Variants in NRG1 observed in about 807,000 individuals in gnomAD.
The protein encoded by NRG1 is neuregulin 1, also known as pro-neuregulin-1, membrane-bound isoform.
Under a neutral mutation model 63.8 loss-of-function variants are expected in NRG1, and 18 were observed. The observed-to-expected ratio is 0.28, with a 90% CI of 0.19 to 0.42. The LOEUF is 0.42. Ranked by LOEUF, NRG1 falls within the 10% of genes least tolerant of loss-of-function variation. The pLI is 1.00. For missense variants in NRG1, 762 were observed against 814.7 expected (o/e 0.94, Z 0.79); for synonymous variants, 302 against 301.3 (o/e 1.00, Z -0.02).
downstream of NRG1, among the ~76,000 whole-genome samples, chr8:32,769,775 G>T (rs573960600): frequency 6.6e-6 from 1 of 152,286 alleles, no homozygotes; most frequent in Admixed American, 6.5e-5. Context: ...TTTAAGGTTG[G>T]TGTTGAATAG....
intron 8 of NRG1, among the ~76,000 whole-genome samples, chr8:32,755,749 A>ATTTT (rs112433027): frequency 3.4e-5 from 5 of 147,412 alleles, no homozygotes; most frequent in African/African-American, 1.2e-4. Context: ...TCTACAGCAC[A>ATTTT]TTTTTTTTTT....
chr8:32,533,635 A>G (rs1831674579), intron 1 of NRG1, among the ~76,000 whole-genome samples: 1 of 152,102 alleles, frequency 6.6e-6, no homozygotes, highest in Admixed American at 6.5e-5. Flanking sequence ...AAGTAAACCT[A>G]TCAAAATGGG....
chr8:31,711,402 T>C (rs1811727017), intron 1 of NRG1, among the ~76,000 whole-genome samples: 1 of 152,206 alleles, frequency 6.6e-6, no homozygotes, highest in African/African-American at 2.4e-5. Context: ...ACATGTTTTA[T>C]GGTGTTAAAT....
chr8:32,538,956 A>G (rs1782853809), intron 1 of NRG1, among the ~76,000 whole-genome samples: 1 of 152,234 alleles, frequency 6.6e-6, no homozygotes, highest in Non-Finnish European at 1.5e-5. Context: ...AACATCAGGA[A>G]AAAACAGAAG....
chr8:32,185,204 G>A (rs1050703684), intron 1 of NRG1, among the ~76,000 whole-genome samples: 2 of 152,148 alleles, frequency 1.3e-5, no homozygotes, highest in Non-Finnish European at 2.9e-5. Flanking sequence ...AGTACTTGAG[G>A]CATTAACCTG....
At chr8:31,861,792 A>G (rs528541998) in intron 1 of NRG1, among the ~76,000 whole-genome samples, 1 of 152,304 alleles carries the variant, frequency 6.6e-6, no homozygotes, top group South Asian at 2.1e-4. Context: ...CTATTGAAAT[A>G]CCATGATCCA....
At chr8:31,815,561 C>T (rs1358180414) in intron 1 of NRG1, among the ~76,000 whole-genome samples, 1 of 152,146 alleles carries the variant, frequency 6.6e-6, no homozygotes, top group African/African-American at 2.4e-5. Flanking sequence ...CATGAATGTA[C>T]AGATATCTCT....
chr8:32,239,366 A>G (rs1177984437), intron 1 of NRG1, among the ~76,000 whole-genome samples: 4 of 152,100 alleles, frequency 2.6e-5, no homozygotes, highest in Admixed American at 6.5e-5. Context: ...TTATACAGAA[A>G]TTAACTCAAA....
chr8:32,281,222 G>C (rs1418422746), intron 1 of NRG1, among the ~76,000 whole-genome samples: 1 of 101,150 alleles, frequency 9.9e-6, no homozygotes, highest in South Asian at 3.3e-4. Context: ...CTGTCGCTCA[G>C]GCTGGGGTGC....
intron 7 of NRG1, chr8:32,749,240 A>T (rs111840801): frequency 2.7e-5 from 9 of 328,694 alleles, no homozygotes; most frequent in African/African-American, 1.7e-4. Context: ...TATAAAGATA[A>T]TCTTTCCATT....
At chr8:31,841,371 A>G (rs1277736385) in intron 1 of NRG1, among the ~76,000 whole-genome samples, 4 of 152,122 alleles carry the variant, frequency 2.6e-5, no homozygotes, top group African/African-American at 9.7e-5. Context: ...ATGCTAAGTC[A>G]TGGGGGGTCT....
intron 5 of NRG1, chr8:32,647,047 G>A (rs752640809): frequency 1.4e-5 from 14 of 985,218 alleles, no homozygotes; most frequent in South Asian, 4.7e-5. Context: ...GGGGTGGGGT[G>A]GAGGCAGGGC....
chr8:31,894,546 C>CTTTT (rs370312165), intron 1 of NRG1, among the ~76,000 whole-genome samples: 40 of 98,068 alleles, frequency 4.1e-4, no homozygotes, highest in African/African-American at 8.3e-4. Context: ...CTATTTCTTT[C>CTTTT]TTTTTTCTTT....
intron 5 of NRG1, among the ~76,000 whole-genome samples, chr8:32,703,740 G>T (rs933737844): frequency 1.3e-5 from 2 of 152,154 alleles, no homozygotes. Flanking sequence ...TTCACAACAT[G>T]TATGGTCTAT....
chr8:31,851,182 C>T (rs1308108532), intron 1 of NRG1, among the ~76,000 whole-genome samples: 2 of 152,156 alleles, frequency 1.3e-5, no homozygotes, highest in East Asian at 3.9e-4. Flanking sequence ...AAGGGAAAGC[C>T]AAATCCTTCA....
rs1277834963 is a variant in NRG1 at position 32,514,291 on chromosome 8, A to G, written c.38-81537A>G. 2.0e-5 allele frequency among the ~76,000 whole-genome samples: 3 copies of G among 152,134 alleles called. No individual in the cohort carries two copies. The East Asian group carries it at 5.8e-4, about 29-fold the overall frequency. ...TTGGTTTCTGCTATTGTGTGTGTAT[A>G]TATATATATGTATATATATTACTTT... is the stretch of plus-strand genomic sequence containing the variant. On this transcript the variant is annotated intron_variant, in intron 1 of 10. Coordinates refer to the NRG1 transcript ENST00000519301.
intron 1 of NRG1, among the ~76,000 whole-genome samples, chr8:32,459,090 T>G (rs1310274429): frequency 2.0e-5 from 3 of 152,202 alleles, no homozygotes; most frequent in Non-Finnish European, 4.4e-5. Flanking sequence ...GACTCGTAGG[T>G]CCAACTGACT....
In NRG1 at chr8:31,836,722, C is replaced by G. The variant is rs200039452; in HGVS notation, c.37+197291C>G. ...ATTTACTTCCTTTCCAAAGTTTTCTCTTAAAAGTAATGCTGTAGAGAATAA... is the reference window on the plus strand; with the variant it reads ...ATTTACTTCCTTTCCAAAGTTTTCTGTTAAAAGTAATGCTGTAGAGAATAA... On this transcript the variant is annotated intron_variant, in intron 1 of 10. Coordinates refer to the NRG1 transcript ENST00000519301. 3.9e-5 allele frequency among the ~76,000 whole-genome samples: 6 copies of G among 152,056 alleles called. No homozygotes were observed. In the East Asian group the frequency reaches 1.2e-3, roughly 29 times the overall value.
intron 1 of NRG1, among the ~76,000 whole-genome samples, chr8:32,405,880 G>C (rs1388061081): frequency 6.6e-6 from 1 of 152,046 alleles, no homozygotes; most frequent in Non-Finnish European, 1.5e-5. Context: ...TCTGATTTTT[G>C]TGAGACTCTG....
Sources: gnomAD v4.1 joint callset for allele counts (sites outside exome capture counted in the v4.1 genomes callset) on GRCh38, gnomAD v4.1.1 for gene constraint, MANE v1.5 for transcripts, NCBI Gene and HGNC (gene_info 2026-07-23, HGNC 2026-07-21) for gene names.